The following RORA variants were observed in gnomAD, a reference collection of about 807,000 sequenced individuals.
The protein encoded by RORA is nuclear receptor ROR-alpha.
RORA carries 7 observed loss-of-function variants against 69.5 expected under a neutral mutation model. The ratio of observed to expected loss-of-function variants is 0.10; its 90% CI spans 0.06 to 0.19. The LOEUF (loss-of-function observed/expected upper bound fraction) is 0.19, where lower values mean the gene tolerates loss of function less well. Ranked by LOEUF, RORA falls within the 10% of genes least tolerant of loss-of-function variation. RORA has a pLI of 1.00. For missense variants in RORA, 457 were observed against 663.0 expected (o/e 0.69, Z 3.41); for synonymous variants, 261 against 240.8 (o/e 1.08, Z -0.78).
chr15:60,941,947 G>C (rs1299896102), intron 1 of RORA, among the ~76,000 whole-genome samples: 2 of 152,158 alleles, frequency 1.3e-5, no homozygotes, highest in Non-Finnish European at 2.9e-5. Flanking sequence ...GTTGATCTTT[G>C]CATTACCCAC....
chr15:60,918,232 T>A (rs1341020081), intron 1 of RORA, among the ~76,000 whole-genome samples: 1 of 152,236 alleles, frequency 6.6e-6, no homozygotes, highest in East Asian at 1.9e-4. Context: ...ACTTTCCAGA[T>A]TCAAGGAACC....
intron 1 of RORA, among the ~76,000 whole-genome samples, chr15:60,817,018 A>G (rs891252904): frequency 6.6e-6 from 1 of 152,210 alleles, no homozygotes; most frequent in Non-Finnish European, 1.5e-5. Flanking sequence ...TATTTCATTG[A>G]CAAATAATAA....
intron 1 of RORA, among the ~76,000 whole-genome samples, chr15:60,852,291 G>C (rs988620494): frequency 1.3e-5 from 2 of 152,210 alleles, no homozygotes; most frequent in African/African-American, 4.8e-5. Context: ...TACATGCTTT[G>C]AGCCTCTTCC....
chr15:60,860,313 T>C (rs1473990669), intron 1 of RORA, among the ~76,000 whole-genome samples: 1 of 152,190 alleles, frequency 6.6e-6, no homozygotes, highest in Admixed American at 6.5e-5. Flanking sequence ...TAATAGCAGA[T>C]GCATAATTTT....
chr15:61,195,599 T>C (rs963224476), intron 1 of RORA, among the ~76,000 whole-genome samples: 2 of 152,152 alleles, frequency 1.3e-5, no homozygotes. Context: ...ATTGACCCCA[T>C]TGATAAGCAG....
intron 1 of RORA, among the ~76,000 whole-genome samples, chr15:60,868,604 G>T (rs1229676481): frequency 6.6e-6 from 1 of 152,076 alleles, no homozygotes; most frequent in African/African-American, 2.4e-5. Context: ...AGCAAATGAA[G>T]GACTGGATGG....
chr15:60,858,804 T>C (rs1005165152), intron 1 of RORA, among the ~76,000 whole-genome samples: 2 of 151,024 alleles, frequency 1.3e-5, no homozygotes, highest in African/African-American at 2.4e-5. Flanking sequence ...GAGAATGGGA[T>C]TGCTCGACTT....
intron 1 of RORA, among the ~76,000 whole-genome samples, chr15:60,907,748 C>A (rs1891586465): frequency 6.6e-6 from 1 of 152,178 alleles, no homozygotes; most frequent in South Asian, 2.1e-4. Context: ...CCAGAGCCAA[C>A]ACGTACAAAT....
At chr15:60,637,607 A>C (rs903114980) in intron 2 of RORA, among the ~76,000 whole-genome samples, 3 of 152,102 alleles carry the variant, frequency 2.0e-5, no homozygotes, top group African/African-American at 7.2e-5. Flanking sequence ...ACGGCGTGAA[A>C]AAAATTTATT....
At position 60,552,707 on chromosome 15, in the gene RORA, A is replaced by G. The variant is rs149195241; in HGVS notation, c.197-20856T>C. On this transcript the variant is annotated intron_variant, in intron 2 of 10. Coordinates refer to ENST00000335670, the MANE Select transcript of RORA (RefSeq NM_134261.3). The stretch of plus-strand genomic sequence containing the variant: ...ACTACAGCAAGAACCAACACAAATT[A>G]AAGTGTCTAAAAAAATCAATTGGGG... Among the ~76,000 whole-genome samples, 632 of 152,324 alleles carry G rather than the reference A, an allele frequency of 4.1e-3. 3 individuals are homozygous for G. Among genetic ancestry groups the G allele is most frequent in the Middle Eastern group, 0.014 (4 of 294 alleles).
chr15:60,548,092 G>T (rs1595953920), intron 2 of RORA: 1 of 152,158 alleles, frequency 6.6e-6, no homozygotes, highest in South Asian at 2.1e-4. Context: ...CGCTCTGAAA[G>T]AAACTAAGTT....
At chr15:61,139,559 C>T (rs1272620958) in intron 1 of RORA, among the ~76,000 whole-genome samples, 1 of 152,198 alleles carries the variant, frequency 6.6e-6, no homozygotes, top group Non-Finnish European at 1.5e-5. Context: ...AAACCAGAGG[C>T]CACCTAAACT....
intron 1 of RORA, among the ~76,000 whole-genome samples, chr15:60,932,397 G>A (rs1055475382): frequency 6.6e-6 from 1 of 152,126 alleles, no homozygotes; most frequent in African/African-American, 2.4e-5. Context: ...TATCACAGCT[G>A]CTTACTCATA....
At chr15:60,787,733 T>C (rs1376245113) in intron 1 of RORA, among the ~76,000 whole-genome samples, 1 of 152,182 alleles carries the variant, frequency 6.6e-6, no homozygotes, top group East Asian at 1.9e-4. Flanking sequence ...TTGGCAAGCC[T>C]ATCACTGCAA....
Position 60,648,157 on chromosome 15 carries a change from AG to A in RORA, c.196+30499del, listed in dbSNP as rs1330471600. ...TCATTCTGTTTGCAAGTGAGCACGT[AG>A]GTGCCTTCCAAATATGATCCTGAAG... On this transcript the variant is annotated intron_variant, in intron 2 of 10. Coordinates refer to ENST00000335670, the MANE Select transcript of RORA (RefSeq NM_134261.3). Among the ~76,000 whole-genome samples, 6 of 152,398 alleles carry A rather than the reference AG, an allele frequency of 3.9e-5. 1 individual carries two copies. In the South Asian group the frequency reaches 1.0e-3, roughly 26 times the overall value.
intron 3 of RORA, among the ~76,000 whole-genome samples, chr15:60,527,732 T>G (rs778052777): frequency 2.0e-5 from 3 of 152,206 alleles, no homozygotes; most frequent in Non-Finnish European, 4.4e-5. Flanking sequence ...ATAAAAACCT[T>G]GGCATAATGG....
intron 1 of RORA, among the ~76,000 whole-genome samples, chr15:60,897,862 A>G (rs1038591104): frequency 6.6e-6 from 1 of 152,254 alleles, no homozygotes; most frequent in Non-Finnish European, 1.5e-5. Flanking sequence ...GAATAGGACA[A>G]AGAAAAATTG....
chr15:60,738,991 G>T (rs768914111), intron 1 of RORA, among the ~76,000 whole-genome samples: 4 of 152,084 alleles, frequency 2.6e-5, no homozygotes, highest in Non-Finnish European at 5.9e-5. Context: ...TCCGATTAGG[G>T]GCCCACCCTA....
chr15:61,054,254 A>G (rs957413472), intron 1 of RORA, among the ~76,000 whole-genome samples: 24 of 152,146 alleles, frequency 1.6e-4, no homozygotes, highest in African/African-American at 5.3e-4. Flanking sequence ...AACGTATGGT[A>G]ATGTGAGGAA....
Sources: gnomAD v4.1 joint callset for allele counts (sites outside exome capture counted in the v4.1 genomes callset) on GRCh38, gnomAD v4.1.1 for gene constraint, MANE v1.5 for transcripts, NCBI Gene and HGNC (gene_info 2026-07-23, HGNC 2026-07-21) for gene names.